Variants in SLC16A3 observed in about 807,000 individuals in gnomAD.
The protein encoded by SLC16A3 is monocarboxylate transporter 4.
In SLC16A3, 22 loss-of-function variants were observed where a neutral mutation model predicts 25.0. That is an observed-to-expected ratio of 0.88 (90% CI 0.63 to 1.26). The LOEUF (loss-of-function observed/expected upper bound fraction) is 1.26, where lower values mean the gene tolerates loss of function less well. Among genes scored for constraint, SLC16A3 ranks in the 50% most tolerant of loss-of-function variants. The pLI is 0.00. For missense variants in SLC16A3, 731 were observed against 666.6 expected, an observed-to-expected ratio of 1.10 and a Z score of -1.06; for synonymous variants, 390 against 309.2, an observed-to-expected ratio of 1.26 and a Z score of -2.74.
At position 82,237,722 on chromosome 17, in the gene SLC16A3, T is replaced by G. The variant is rs1310793080; in HGVS notation, c.952T>G (p.Tyr318Asp). 1.9e-6 allele frequency: 3 copies of G among 1,612,110 alleles called. No homozygotes were observed. In the African/African-American group the frequency reaches 4.0e-5, roughly 22 times the overall value. ...CCTGGCGGGTTCTACGGCGGGCGAC[T>G]ACGGCGGCCTCGTGGTCTTCTGCAT... The part of the protein sequence containing the change: ...ADLAGSTAGD[Y>D]GGLVVFCIFF... Residue 318 changes from tyrosine to aspartate, a missense_variant, in exon 4 of 5, where the codon TAC becomes GAC. Coordinates refer to ENST00000582743, the MANE Select transcript of SLC16A3 (RefSeq NM_004207.4).
At chr17:82,221,251 AC>A (rs2147106185) in intron 1 of SLC16A3, among the ~76,000 whole-genome samples, 1 of 152,260 alleles carries the variant, frequency 6.6e-6, no homozygotes, top group South Asian at 2.1e-4. Flanking sequence ...AGAGTTTAAT[AC>A]CCAGAACATG....
Position 82,237,864 on chromosome 17 carries a change from T to C in SLC16A3, c.1094T>C (p.Val365Ala). 6.2e-7 allele frequency: 1 copy of C among 1,602,508 alleles called. No homozygotes were observed. Among genetic ancestry groups the C allele is most frequent in the Non-Finnish European group, 8.5e-7 (1 of 1,179,768 alleles). ...AIGLVLLMEA[V>A]AVLVGPPSGG... is the part of the protein sequence containing the mutation. ...GGCCTGGTGCTGCTGATGGAGGCGG[T>C]GGCCGTGCTCGTCGGGCCCCCTTCG... is the stretch of plus-strand genomic sequence containing the variant. Residue 365 changes from valine to alanine, a missense_variant, in exon 4 of 5, where the codon GTG (valine) becomes GCG (alanine). Transcript: ENST00000582743.
chr17:82,224,672 G>A (rs1599548893), upstream of SLC16A3, among the ~76,000 whole-genome samples: 7 of 139,374 alleles, frequency 5.0e-5, no homozygotes, highest in South Asian at 1.4e-3. Context: ...GCAGTCACCT[G>A]TGCAGACACA....
chr17:82,228,798 A>G (rs546231597), upstream of SLC16A3, among the ~76,000 whole-genome samples: 1 of 151,588 alleles, frequency 6.6e-6, no homozygotes, highest in African/African-American at 2.4e-5. Context: ...AGTCCCGAGG[A>G]GCAGAGGGGG....
At chr17:82,219,195 C>G (rs1311878654) in intron 1 of SLC16A3, among the ~76,000 whole-genome samples, 1 of 152,062 alleles carries the variant, frequency 6.6e-6, no homozygotes, top group Non-Finnish European at 1.5e-5. Context: ...AGGAGGACAC[C>G]CGGGACCAGG....
chr17:82,230,625 T>G (rs2050478225), intron 1 of SLC16A3: 1 of 152,448 alleles, frequency 6.6e-6, no homozygotes, highest in Admixed American at 6.5e-5. Context: ...CGGTGGGTCC[T>G]GGGGTGACCT....
In SLC16A3 at chr17:82,239,215, GC is replaced by G. The variant is rs1009281510; in HGVS notation, c.*243del. 32 of 279,460 alleles carry G rather than the reference GC, an allele frequency of 1.1e-4. No individual in the cohort carries two copies. Among genetic ancestry groups the G allele is most frequent in the African/African-American group, 6.7e-4 (29 of 43,224 alleles). The allele number at this position is 279,460 out of a possible 1,614,324, so 17.3% of individuals were successfully genotyped here. On this transcript the variant is annotated 3_prime_UTR_variant, in exon 5 of 5. Coordinates refer to ENST00000582743, the MANE Select transcript of SLC16A3 (RefSeq NM_004207.4). Reference sequence around the variant, plus strand: ...AGGTTACAAGGCATCCTCACCAGGGGCCCCGCCTGCTGCTCCCAGGTGGCCT... The same window carrying G: ...AGGTTACAAGGCATCCTCACCAGGGGCCCGCCTGCTGCTCCCAGGTGGCCT...
chr17:82,236,702 G>T (rs1290153995), intron 2 of SLC16A3, 27 bp from the exon 3 acceptor site: 1 of 1,594,292 alleles, frequency 6.3e-7, no homozygotes, highest in Non-Finnish European at 8.5e-7. Flanking sequence ...TGCAGGCCCG[G>T]CCCCTCTCAG....
intron 1 of SLC16A3, among the ~76,000 whole-genome samples, chr17:82,233,370 A>T (rs1375948842): frequency 6.6e-6 from 1 of 152,094 alleles, no homozygotes; most frequent in African/African-American, 2.4e-5. Flanking sequence ...AGCCACAAGC[A>T]CCTCAGGTCT....
At position 82,240,081 on chromosome 17, in the gene SLC16A3, G is replaced by C; in HGVS notation, c.*1105G>C. 1 of 1,233,520 alleles carries C rather than the reference G, an allele frequency of 8.1e-7. No homozygotes were observed. Among genetic ancestry groups the C allele is most frequent in the Non-Finnish European group, 1.0e-6 (1 of 987,644 alleles). The allele number at this position is 1,233,520 out of a possible 1,614,324, so 76.4% of individuals were successfully genotyped here. A position where few individuals can be genotyped will look rare whatever the true frequency, so the allele number is the denominator to read the frequency against. ...TGCTCCTCTGCAATGAAAAGCAAGC[G>C]AAAAGTGCACATCTCAGGTCCAGCT... On this transcript the variant is annotated 3_prime_UTR_variant, in exon 5 of 5. Coordinates refer to ENST00000582743, the MANE Select transcript of SLC16A3 (RefSeq NM_004207.4).
chr17:82,235,703 G>T, intron 1 of SLC16A3: 1 of 484,562 alleles, frequency 2.1e-6, no homozygotes, highest in South Asian at 2.3e-5. Flanking sequence ...TGTCCCAGGA[G>T]GTAATCTGAG....
chr17:82,227,454 C>T (rs2050430366), upstream of SLC16A3, among the ~76,000 whole-genome samples: 1 of 152,070 alleles, frequency 6.6e-6, no homozygotes, highest in South Asian at 2.1e-4. Context: ...GTACCCTCGC[C>T]TCCCCGGCAG....
upstream of SLC16A3, among the ~76,000 whole-genome samples, chr17:82,227,864 G>A (rs1488550294): frequency 6.6e-5 from 10 of 152,198 alleles, no homozygotes; most frequent in Non-Finnish European, 1.5e-4. Context: ...CCAGCGGGAG[G>A]GTGGGCTTGT....
At chr17:82,237,096 G>GGGCA in intron 3 of SLC16A3, 42 bp from the exon 4 acceptor site, 1 of 1,475,950 alleles carries the variant, frequency 6.8e-7, no homozygotes, top group Non-Finnish European at 9.0e-7. Context: ...TCGGGCTTTG[G>GGGCA]GGCAGCCTTG....
chr17:82,237,955 C>T lies in SLC16A3; in HGVS notation c.1123+62C>T, dbSNP rs540481486. 379 of 1,547,312 alleles carry T rather than the reference C, an allele frequency of 2.4e-4. 3 individuals are homozygous for T. In the African/African-American group the frequency reaches 4.5e-3, roughly 19 times the overall value. ...CCCTTCCCGTCAGACGCCCGCTTTG[C>T]GAGGGGGGGGACGCGCACCCCTCGG... On this transcript the variant is annotated intron_variant, in intron 4 of 4. Coordinates refer to ENST00000582743, the MANE Select transcript of SLC16A3 (RefSeq NM_004207.4).
chr17:82,227,576 A>T (rs1293810341), upstream of SLC16A3, among the ~76,000 whole-genome samples: 4 of 141,168 alleles, frequency 2.8e-5, 1 homozygote, highest in African/African-American at 1.0e-4. Context: ...AGATGGGAGC[A>T]CCACCTGCCC....
At position 82,236,901 on chromosome 17, in the gene SLC16A3, G is replaced by A. The variant is rs7215409; in HGVS notation, c.367+29G>A. 33,314 of 1,600,014 alleles carry A rather than the reference G, an allele frequency of 0.021. 2,650 individuals carry two copies. The African/African-American group carries it at 0.26, about 12-fold the overall frequency. On this transcript the variant is annotated intron_variant, in intron 3 of 4. Transcript: ENST00000582743. ...AGTGGGGCCGGCCGGTGGGCCGCAC[G>A]TGCCAGGAGGGGCAGGGGCCGTGCA...
rs1418366536 is a variant in SLC16A3 at position 82,238,917 on chromosome 17, C to T, written c.1339C>T (p.Leu447=). The T allele has an allele frequency of 5.0e-6, 8 of 1,592,020 alleles. No homozygotes were observed. The South Asian group carries it at 6.7e-5, about 13-fold the overall frequency. The change falls in exon 5 of 5, where the codon CTG becomes TTG. Residue 447 remains leucine, a synonymous_variant. Coordinates refer to ENST00000582743, the MANE Select transcript of SLC16A3 (RefSeq NM_004207.4). ...GGACTTGCGGGAGGTGGAGCATTTC[C>T]TGAAGGCTGAGCCTGAGAAAAACGG... is the stretch of plus-strand genomic sequence containing the variant. ...GVDLREVEHF[L]KAEPEKNGEV... is the part of the protein sequence containing the mutation.
chr17:82,233,942 G>C (rs1472734365), intron 1 of SLC16A3: 1 of 152,286 alleles, frequency 6.6e-6, no homozygotes, highest in South Asian at 2.1e-4. Context: ...CTGGGTTCAC[G>C]CCATTCTCCT....
Sources: gnomAD v4.1 joint callset for allele counts (sites outside exome capture counted in the v4.1 genomes callset) on GRCh38, gnomAD v4.1.1 for gene constraint, MANE v1.5 for transcripts, NCBI Gene and HGNC (gene_info 2026-07-23, HGNC 2026-07-21) for gene names.